The following PPIL6 variants were observed in gnomAD, a reference collection of about 807,000 sequenced individuals.
The protein encoded by PPIL6 is probable inactive peptidyl-prolyl cis-trans isomerase-like 6.
PPIL6 carries 39 observed loss-of-function variants against 36.8 expected under a neutral mutation model. The observed-to-expected ratio is 1.06, with a 90% confidence interval of 0.82 to 1.38. The LOEUF (loss-of-function observed/expected upper bound fraction) is 1.38, where lower values mean the gene tolerates loss of function less well. Ranked by LOEUF, PPIL6 falls within the 40% of genes most tolerant of loss-of-function variation. The pLI, the probability that PPIL6 is intolerant of heterozygous loss-of-function variation, is 0.00. For missense variants in PPIL6, 368 were observed against 379.1 expected (o/e 0.97, Z 0.24); for synonymous variants, 123 against 134.1 (o/e 0.92, Z 0.57).
chr6:109,427,404 G>A (rs1773881829), intron 3 of PPIL6, among the ~76,000 whole-genome samples: 1 of 151,542 alleles, frequency 6.6e-6, no homozygotes, highest in East Asian at 1.9e-4. Flanking sequence ...TTATTTTTGA[G>A]ACAGGGTCTG....
Position 109,397,895 on chromosome 6 carries a change from C to CTT in PPIL6, c.824+2138_824+2139dup, listed in dbSNP as rs66666058. Among the ~76,000 whole-genome samples, 163 of 143,508 alleles carry CTT rather than the reference C, an allele frequency of 1.1e-3. 1 individual carries two copies. The highest frequency in any genetic ancestry group is 1.5e-3 in the African/African-American group (58 of 39,702). 94.1% of individuals were successfully genotyped at this position (143,508 alleles called of 152,430 possible). A position where few individuals can be genotyped will look rare whatever the true frequency, so the allele number is the denominator to read the frequency against. ...CAAGAAATGTTATTTGGATTTAAAACTTTTTTTTTTTTTTTTAAATGGTGT... is the reference window on the plus strand; with the variant it reads ...CAAGAAATGTTATTTGGATTTAAAACTTTTTTTTTTTTTTTTTTAAATGGTGT... On this transcript the variant is annotated intron_variant, in intron 7 of 7. Coordinates refer to ENST00000521072, the MANE Select transcript of PPIL6 (RefSeq NM_173672.5).
chr6:109,426,394 T>C (rs1773816447), intron 5 of PPIL6, among the ~76,000 whole-genome samples: 1 of 152,130 alleles, frequency 6.6e-6, no homozygotes, highest in South Asian at 2.1e-4. Context: ...AAAGAGAACA[T>C]AGAAACCAAA....
chr6:109,423,660 AC>A (rs1454072832), intron 5 of PPIL6, among the ~76,000 whole-genome samples: 1 of 152,072 alleles, frequency 6.6e-6, no homozygotes, highest in East Asian at 1.9e-4. Context: ...CTTATGTAAA[AC>A]ATGATCATTT....
chr6:109,418,722 A>C (rs1196427682), intron 6 of PPIL6, among the ~76,000 whole-genome samples: 3 of 151,858 alleles, frequency 2.0e-5, no homozygotes, highest in African/African-American at 7.3e-5. Flanking sequence ...TTGTATTTTT[A>C]GTAGAGATGG....
rs963098999 is a variant in PPIL6 at position 109,391,629 on chromosome 6, G to T, written c.*1197C>A. On this transcript the variant is annotated 3_prime_UTR_variant, in exon 8 of 8. Coordinates refer to ENST00000521072, the MANE Select transcript of PPIL6 (RefSeq NM_173672.5). ...TCTGCCTCAGTAGGTCAAGGACAAGGTCTGTTAGGTTACATTTTAAAAGCT... is the reference window on the plus strand; with the variant it reads ...TCTGCCTCAGTAGGTCAAGGACAAGTTCTGTTAGGTTACATTTTAAAAGCT... The T allele has an allele frequency of 1.3e-5, 2 of 152,182 alleles. No homozygotes were observed. The highest frequency in any genetic ancestry group is 2.4e-5 in the African/African-American group (1 of 41,444). The allele number at this position is 152,182 out of a possible 1,614,324, so 9.4% of individuals were successfully genotyped here.
chr6:109,430,432 C>CTT (rs35614425), intron 3 of PPIL6, among the ~76,000 whole-genome samples: 108 of 145,788 alleles, frequency 7.4e-4, no homozygotes, highest in African/African-American at 2.5e-3. Context: ...TGTGTTCATG[C>CTT]TTTTTTTTTT....
rs146541023 is a variant in PPIL6 at position 109,414,477 on chromosome 6, CTTTTTTTTT to C, written c.688+4701_688+4709del. Among the ~76,000 whole-genome samples, 5 of 86,542 alleles carry C rather than the reference CTTTTTTTTT, an allele frequency of 5.8e-5. No homozygotes were observed. The East Asian group carries it at 1.0e-3, about 17-fold the overall frequency. 56.8% of individuals were successfully genotyped at this position (86,542 alleles called of 152,430 possible). ...GTATCATTTTCTTAATGTCTTTTAG[CTTTTTTTTT>C]TTTTTTTTTTTTTTTTGAGACAAGG... On this transcript the variant is annotated intron_variant, in intron 6 of 7. Coordinates refer to ENST00000521072, the MANE Select transcript of PPIL6 (RefSeq NM_173672.5).
chr6:109,396,384 C>T (rs1772307018), intron 7 of PPIL6, among the ~76,000 whole-genome samples: 1 of 152,218 alleles, frequency 6.6e-6, no homozygotes, highest in Non-Finnish European at 1.5e-5. Flanking sequence ...ATGGCACCCG[C>T]AGTCCATTGG....
At chr6:109,404,341 C>G (rs971081443) in intron 6 of PPIL6, among the ~76,000 whole-genome samples, 1 of 152,180 alleles carries the variant, frequency 6.6e-6, no homozygotes, top group African/African-American at 2.4e-5. Flanking sequence ...TGGAGAGGTA[C>G]AGTGGATTCT....
chr6:109,393,002 C>T (rs968429454), intron 7 of PPIL6, 65 bp from the exon 8 acceptor site: 11 of 866,362 alleles, frequency 1.3e-5, no homozygotes, highest in Non-Finnish European at 1.9e-5. Flanking sequence ...CTTAACATTC[C>T]GAAATGGGGT....
At chr6:109,397,397 G>T (rs928180634) in intron 7 of PPIL6, among the ~76,000 whole-genome samples, 2 of 152,120 alleles carry the variant, frequency 1.3e-5, no homozygotes, top group Non-Finnish European at 2.9e-5. Context: ...GAGTTGGAGG[G>T]TGTTTTCTTA....
At chr6:109,418,618 C>T (rs1316955473) in intron 6 of PPIL6, among the ~76,000 whole-genome samples, 2 of 151,248 alleles carry the variant, frequency 1.3e-5, no homozygotes, top group Non-Finnish European at 2.9e-5. Flanking sequence ...ACCATCTCAG[C>T]TCACTGCAAC....
chr6:109,437,699 C>A (rs547448125), intron 1 of PPIL6, among the ~76,000 whole-genome samples: 2 of 152,124 alleles, frequency 1.3e-5, no homozygotes, highest in African/African-American at 4.8e-5. Context: ...GGATTACAGG[C>A]ACCCGCCACC....
intron 1 of PPIL6, 117 bp downstream of exon 1, chr6:109,440,339 C>T: frequency 7.7e-7 from 1 of 1,303,412 alleles, no homozygotes; most frequent in Non-Finnish European, 1.1e-6. Context: ...CAGCCCCTTC[C>T]TCGGCCGGTG....
intron 6 of PPIL6, among the ~76,000 whole-genome samples, chr6:109,404,361 T>C (rs1249767062): frequency 6.6e-6 from 1 of 152,184 alleles, no homozygotes; most frequent in Non-Finnish European, 1.5e-5. Flanking sequence ...TCATCAGGGA[T>C]TGGGGCCAGG....
chr6:109,398,356 A>G (rs543268319), intron 7 of PPIL6, among the ~76,000 whole-genome samples: 6 of 152,308 alleles, frequency 3.9e-5, no homozygotes, highest in African/African-American at 1.4e-4. Flanking sequence ...TTCAACCTGG[A>G]AGTATCACAG....
intron 5 of PPIL6, among the ~76,000 whole-genome samples, chr6:109,422,533 C>T (rs551268826): frequency 6.6e-6 from 1 of 151,874 alleles, no homozygotes; most frequent in Non-Finnish European, 1.5e-5. Context: ...GAGGCTGCAG[C>T]GAGCTGTGAT....
chr6:109,413,638 T>C lies in PPIL6; in HGVS notation c.688+5549A>G, dbSNP rs1004801721. On this transcript the variant is annotated intron_variant, in intron 6 of 7. Coordinates refer to ENST00000521072, the MANE Select transcript of PPIL6 (RefSeq NM_173672.5). This position sits in a 1 kb window ranked among gnomAD's most constrained non-coding sequence, Gnocchi z 4.6. Reference sequence around the variant, plus strand: ...ATATACCCAAAAGAAAGGAAATCATTATATCAAAGAGATACCTGCACTCCT... The same window carrying C: ...ATATACCCAAAAGAAAGGAAATCATCATATCAAAGAGATACCTGCACTCCT... Among the ~76,000 whole-genome samples, 2 of 152,184 alleles carry C rather than the reference T, an allele frequency of 1.3e-5. No homozygotes were observed. Among genetic ancestry groups the C allele is most frequent in the Admixed American group, 1.3e-4 (2 of 15,276 alleles).
chr6:109,424,160 G>A (rs1449998397), intron 5 of PPIL6, among the ~76,000 whole-genome samples: 1 of 152,102 alleles, frequency 6.6e-6, no homozygotes, highest in Non-Finnish European at 1.5e-5. Context: ...ATATAGGGTG[G>A]TCCGGTAAGG....
Sources: gnomAD v4.1 joint callset for allele counts (sites outside exome capture counted in the v4.1 genomes callset) on GRCh38, gnomAD v4.1.1 for gene constraint, Gnocchi (gnomAD v3.1) non-coding constraint, MANE v1.5 for transcripts, NCBI Gene and HGNC (gene_info 2026-07-23, HGNC 2026-07-21) for gene names.